Variants in SGCZ observed in about 807,000 individuals in gnomAD.
The protein encoded by SGCZ is zeta-sarcoglycan.
Under a neutral mutation model 41.3 loss-of-function variants are expected in SGCZ, and 40 were observed. That is an observed-to-expected ratio of 0.97 (90% CI 0.75 to 1.26). The LOEUF (loss-of-function observed/expected upper bound fraction) is 1.26, where lower values mean the gene tolerates loss of function less well. Ranked by LOEUF, SGCZ falls within the 50% of genes most tolerant of loss-of-function variation. SGCZ has a pLI of 0.00. For missense variants in SGCZ, 552 were observed against 369.8 expected, an observed-to-expected ratio of 1.49 and a Z score of -4.04; for synonymous variants, 206 against 137.5, an observed-to-expected ratio of 1.50 and a Z score of -3.49.
At chr8:14,796,993 C>CAAGTCA (rs1006340282) in intron 1 of SGCZ, among the ~76,000 whole-genome samples, 13 of 152,194 alleles carry the variant, frequency 8.5e-5, no homozygotes, top group Non-Finnish European at 1.8e-4. Flanking sequence ...TGCTGAACCA[C>CAAGTCA]AAGTCAATTA....
At chr8:14,253,706 T>A (rs1283406230) in intron 3 of SGCZ, among the ~76,000 whole-genome samples, 1 of 152,152 alleles carries the variant, frequency 6.6e-6, no homozygotes, top group Non-Finnish European at 1.5e-5. Context: ...ATGTCTTATT[T>A]ATATATGTAA....
chr8:14,778,320 AT>A (rs1301355945), intron 1 of SGCZ, among the ~76,000 whole-genome samples: 1 of 152,182 alleles, frequency 6.6e-6, no homozygotes, highest in African/African-American at 2.4e-5. Context: ...TCAGAATAGG[AT>A]TTCTCAAGAG....
At chr8:14,810,439 A>G (rs1303425057) in intron 1 of SGCZ, among the ~76,000 whole-genome samples, 6 of 152,038 alleles carry the variant, frequency 3.9e-5, no homozygotes, top group Admixed American at 2.0e-4. Context: ...TTAACCAAAT[A>G]CTTCCACTAA....
chr8:14,758,934 G>A (rs1799769767), intron 1 of SGCZ, among the ~76,000 whole-genome samples: 1 of 151,176 alleles, frequency 6.6e-6, no homozygotes, highest in African/African-American at 2.4e-5. Context: ...GTTGAACCCA[G>A]GAGGCAGAGG....
chr8:14,249,915 T>C (rs1278470031), intron 3 of SGCZ, among the ~76,000 whole-genome samples: 5 of 152,188 alleles, frequency 3.3e-5, no homozygotes, highest in African/African-American at 4.8e-5. Context: ...AGAGTAAGTA[T>C]ATCATGTGTG....
intron 2 of SGCZ, among the ~76,000 whole-genome samples, chr8:14,527,169 A>G (rs1802976444): frequency 6.6e-6 from 1 of 152,204 alleles, no homozygotes. Flanking sequence ...CACTATGCAA[A>G]TCAGACTAGA....
At chr8:14,798,644 G>A (rs1454018493) in intron 1 of SGCZ, among the ~76,000 whole-genome samples, 2 of 152,014 alleles carry the variant, frequency 1.3e-5, no homozygotes, top group Admixed American at 1.3e-4. Context: ...TATTAAGTCT[G>A]TTTAACAATA....
intron 3 of SGCZ, among the ~76,000 whole-genome samples, chr8:14,318,709 A>T (rs1026328080): frequency 1.1e-4 from 17 of 152,002 alleles, no homozygotes; most frequent in African/African-American, 4.1e-4. Flanking sequence ...CTCAGAAGAG[A>T]CAGAACAGTC....
chr8:15,204,124 C>T (rs2117141310), intron 1 of SGCZ, among the ~76,000 whole-genome samples: 2 of 152,204 alleles, frequency 1.3e-5, no homozygotes, highest in South Asian at 4.1e-4. Flanking sequence ...TTCTGTTACA[C>T]ATCTTACATC....
Position 14,813,177 on chromosome 8 carries a change from G to C in SGCZ, c.40-258251C>G, listed in dbSNP as rs146295064. On this transcript the variant is annotated intron_variant, in intron 1 of 7. Coordinates refer to ENST00000382080, the MANE Select transcript of SGCZ (RefSeq NM_139167.4). Reference sequence around the variant, plus strand: ...AAGAGTTCAAAAACGATGAAGATTTGTTTTAATGCATAAAATGATCCTAAT... The same window carrying C: ...AAGAGTTCAAAAACGATGAAGATTTCTTTTAATGCATAAAATGATCCTAAT... Among the ~76,000 whole-genome samples the C allele has an allele frequency of 3.2e-3, 485 of 152,270 alleles. 2 individuals carry two copies. The highest frequency in any genetic ancestry group is 5.2e-3 in the Non-Finnish European group (351 of 68,018).
chr8:15,101,298 A>C (rs1369125470), intron 1 of SGCZ, among the ~76,000 whole-genome samples: 2 of 152,196 alleles, frequency 1.3e-5, no homozygotes, highest in Non-Finnish European at 2.9e-5. Flanking sequence ...AGGAATGAAA[A>C]GAAAAGTCAA....
intron 2 of SGCZ, among the ~76,000 whole-genome samples, chr8:14,553,119 T>C (rs1803923501): frequency 6.6e-6 from 1 of 152,058 alleles, no homozygotes; most frequent in Admixed American, 6.6e-5. Context: ...ACATTGCTCC[T>C]ACCATACGAT....
chr8:14,379,512 G>T (rs962628184), intron 2 of SGCZ, among the ~76,000 whole-genome samples: 3 of 151,962 alleles, frequency 2.0e-5, no homozygotes, highest in Admixed American at 1.3e-4. Flanking sequence ...GCTCCCAAGG[G>T]AAACAACTCA....
chr8:14,638,126 C>G (rs1481492892), intron 1 of SGCZ, among the ~76,000 whole-genome samples: 2 of 151,796 alleles, frequency 1.3e-5, no homozygotes, highest in African/African-American at 4.8e-5. Context: ...TTAATATGAT[C>G]TCTACTTAAC....
chr8:15,208,036 T>A (rs1041747678), intron 1 of SGCZ, among the ~76,000 whole-genome samples: 1 of 152,240 alleles, frequency 6.6e-6, no homozygotes, highest in Non-Finnish European at 1.5e-5. Flanking sequence ...AATTTCCTAC[T>A]CTCTGATAGT....
At chr8:14,871,900 G>C (rs755505160) in intron 1 of SGCZ, among the ~76,000 whole-genome samples, 9 of 150,346 alleles carry the variant, frequency 6.0e-5, no homozygotes, top group Non-Finnish European at 8.9e-5. Context: ...ATATATGTAT[G>C]TATGTATGTA....
intron 6 of SGCZ, among the ~76,000 whole-genome samples, chr8:14,105,962 T>TTAAG (rs1478127071): frequency 6.6e-5 from 10 of 152,168 alleles, no homozygotes; most frequent in African/African-American, 1.7e-4. Context: ...TAAATGTATT[T>TTAAG]TAAGTTTATT....
intron 2 of SGCZ, among the ~76,000 whole-genome samples, chr8:14,497,106 G>A (rs568954131): frequency 5.3e-5 from 8 of 152,218 alleles, no homozygotes; most frequent in East Asian, 1.9e-4. Flanking sequence ...TTTTGGTTAC[G>A]CGTCACAATC....
intron 3 of SGCZ, among the ~76,000 whole-genome samples, chr8:14,254,410 C>G (rs1056113048): frequency 2.6e-5 from 4 of 152,190 alleles, no homozygotes; most frequent in African/African-American, 7.2e-5. Context: ...GGCACTGAGG[C>G]CTGCCTCACC....
Sources: gnomAD v4.1 joint callset for allele counts (sites outside exome capture counted in the v4.1 genomes callset) on GRCh38, gnomAD v4.1.1 for gene constraint, MANE v1.5 for transcripts, NCBI Gene and HGNC (gene_info 2026-07-23, HGNC 2026-07-21) for gene names.